The following TASP1 variants were observed in gnomAD, a reference collection of about 807,000 sequenced individuals.
TASP1 encodes the protein threonine aspartase 1.
TASP1 carries 16 observed loss-of-function variants against 56.6 expected under a neutral mutation model. The observed-to-expected ratio is 0.28, with a 90% confidence interval of 0.19 to 0.43. TASP1 has a LOEUF of 0.43. Among genes scored for constraint, TASP1 ranks in the 20% least tolerant of loss-of-function variants. The pLI is 1.00. For synonymous variants in TASP1, 179 were observed against 184.2 expected (o/e 0.97, Z 0.23); for missense variants, 393 against 511.6 (o/e 0.77, Z 2.24).
chr20:13,126,666 C>A, the TASP1 span: 1 of 1,614,086 alleles, frequency 6.2e-7, no homozygotes, highest in Non-Finnish European at 8.5e-7. Flanking sequence ...GATAGCAGAG[C>A]AAATCATCAG....
chr20:13,358,252 G>A, the TASP1 span, among the ~76,000 whole-genome samples: 14,080 of 152,168 alleles, frequency 0.093, 764 homozygotes, highest in African/African-American at 0.14. Flanking sequence ...GACTCAGCCC[G>A]CCTGCACCCA....
intron 11 of TASP1, among the ~76,000 whole-genome samples, chr20:13,437,050 A>C (rs1976530896): frequency 6.6e-6 from 1 of 152,148 alleles, no homozygotes; most frequent in Admixed American, 6.6e-5. Flanking sequence ...GCAGAGACAC[A>C]ACAAAAAAAG....
chr20:13,248,665 C>T, the TASP1 span, among the ~76,000 whole-genome samples: 37 of 152,136 alleles, frequency 2.4e-4, no homozygotes, highest in Non-Finnish European at 4.4e-4. Flanking sequence ...CACTTCTTTT[C>T]GTCTCCTTCA....
At chr20:13,448,730 T>C (rs2043506760) in intron 11 of TASP1, among the ~76,000 whole-genome samples, 1 of 152,064 alleles carries the variant, frequency 6.6e-6, no homozygotes, top group Non-Finnish European at 1.5e-5. Flanking sequence ...TAGTAGGAAA[T>C]GCAACATTTT....
the TASP1 span, among the ~76,000 whole-genome samples, chr20:13,262,495 C>G: frequency 6.7e-6 from 1 of 148,254 alleles, no homozygotes; most frequent in African/African-American, 2.5e-5. Flanking sequence ...TCACTTTCCA[C>G]TCGTGTACTC....
chr20:13,626,442 C>T (rs776429617), intron 2 of TASP1, among the ~76,000 whole-genome samples: 1 of 152,124 alleles, frequency 6.6e-6, no homozygotes, highest in Non-Finnish European at 1.5e-5. Context: ...AACAAACAAA[C>T]AAACACATGT....
chr20:13,312,197 A>C, the TASP1 span, among the ~76,000 whole-genome samples: 3 of 152,230 alleles, frequency 2.0e-5, no homozygotes, highest in Non-Finnish European at 2.9e-5. Context: ...TACCAAAAGT[A>C]AGCAAAACTA....
chr20:13,637,240 T>C (rs1246331198), intron 1 of TASP1, among the ~76,000 whole-genome samples: 1 of 152,100 alleles, frequency 6.6e-6, no homozygotes, highest in South Asian at 2.1e-4. Flanking sequence ...AAAAGAAAGA[T>C]AAGTGCTCCC....
chr20:13,517,297 A>T (rs1486276125), intron 10 of TASP1, among the ~76,000 whole-genome samples: 1 of 152,128 alleles, frequency 6.6e-6, no homozygotes, highest in African/African-American at 2.4e-5. Context: ...GAGCCTCTAA[A>T]ACAGCTGCTG....
At chr20:13,490,857 T>C (rs1250987057) in intron 10 of TASP1, among the ~76,000 whole-genome samples, 1 of 152,112 alleles carries the variant, frequency 6.6e-6, no homozygotes, top group Non-Finnish European at 1.5e-5. Flanking sequence ...CACAGGGTTG[T>C]TTTGAGGACA....
chr20:13,220,696 G>A, the TASP1 span, among the ~76,000 whole-genome samples: 1 of 152,198 alleles, frequency 6.6e-6, no homozygotes. Flanking sequence ...AGCCGTGCCC[G>A]GCTAGCGGGC....
At chr20:13,341,483 C>G in the TASP1 span, among the ~76,000 whole-genome samples, 2 of 151,998 alleles carry the variant, frequency 1.3e-5, no homozygotes, top group African/African-American at 2.4e-5. Context: ...ATGAGGGTAA[C>G]GTAGTCACAA....
the TASP1 span, among the ~76,000 whole-genome samples, chr20:13,214,394 C>T: frequency 1.3e-5 from 2 of 152,182 alleles, no homozygotes; most frequent in Admixed American, 1.3e-4. Context: ...TGTAGGTCTA[C>T]TAGGTGGCTC....
chr20:13,242,020 G>A, the TASP1 span, among the ~76,000 whole-genome samples: 1 of 152,294 alleles, frequency 6.6e-6, no homozygotes, highest in East Asian at 1.9e-4. Flanking sequence ...AGGCTGAAGG[G>A]AGGTGAGAAA....
chr20:13,300,805 T>C, the TASP1 span, among the ~76,000 whole-genome samples: 1 of 152,192 alleles, frequency 6.6e-6, no homozygotes, highest in African/African-American at 2.4e-5. Flanking sequence ...ATGGCATCCT[T>C]GGCACCAAAA....
intron 11 of TASP1, among the ~76,000 whole-genome samples, chr20:13,462,387 A>G (rs1031658840): frequency 2.6e-5 from 4 of 152,202 alleles, no homozygotes; most frequent in Non-Finnish European, 5.9e-5. Flanking sequence ...AATGACTGCT[A>G]TATGGGACAG....
chr20:13,546,707 C>T (rs1289014356), intron 8 of TASP1, among the ~76,000 whole-genome samples: 1 of 152,220 alleles, frequency 6.6e-6, no homozygotes, highest in African/African-American at 2.4e-5. Flanking sequence ...TCAAGTTTCT[C>T]TAGATGAGCA....
At chr20:13,530,104 A>G (rs1288210716) in intron 9 of TASP1, among the ~76,000 whole-genome samples, 2 of 152,136 alleles carry the variant, frequency 1.3e-5, no homozygotes, top group African/African-American at 4.8e-5. Context: ...CAAATTTGTG[A>G]GCTGTTCCCC....
the TASP1 span, among the ~76,000 whole-genome samples, chr20:13,215,408 C>A: frequency 6.6e-6 from 1 of 152,190 alleles, no homozygotes; most frequent in Admixed American, 6.5e-5. Flanking sequence ...GCCTGAGATT[C>A]TATTTTGCTT....
Sources: allele counts gnomAD v4.1 joint callset (sites outside exome capture counted in the v4.1 genomes callset), GRCh38; gene constraint gnomAD v4.1.1; transcripts MANE v1.5; gene names NCBI Gene and HGNC (gene_info 2026-07-23, HGNC 2026-07-21).